Variants in TYR observed in about 807,000 individuals in gnomAD.
TYR encodes tyrosinase.
Under a neutral mutation model 51.5 loss-of-function variants are expected in TYR, and 58 were observed. The observed-to-expected ratio is 1.13, with a 90% CI of 0.91 to 1.40. The LOEUF (loss-of-function observed/expected upper bound fraction) is 1.40. TYR is among the 40% of genes most tolerant of loss of function. TYR has a pLI of 0.00. For missense variants in TYR, 732 were observed against 647.4 expected (o/e 1.13, Z -1.42); for synonymous variants, 263 against 235.2 (o/e 1.12, Z -1.08).
At chr11:89,229,589 A>T (rs558452790) in intron 3 of TYR, among the ~76,000 whole-genome samples, 2 of 152,140 alleles carry the variant, frequency 1.3e-5, no homozygotes, top group African/African-American at 4.8e-5. Context: ...AACTATCAAA[A>T]TATGAAAGGA....
chr11:89,245,347 T>C (rs1292533254), intron 3 of TYR, among the ~76,000 whole-genome samples: 5 of 151,986 alleles, frequency 3.3e-5, no homozygotes, highest in Non-Finnish European at 7.3e-5. Flanking sequence ...TACAGAAGAA[T>C]AGACTGAAAT....
intron 3 of TYR, among the ~76,000 whole-genome samples, chr11:89,250,912 G>A (rs1172660114): frequency 5.9e-5 from 9 of 151,980 alleles, no homozygotes; most frequent in South Asian, 2.1e-4. Flanking sequence ...CAGACTTGAC[G>A]TTGAAAATGT....
At chr11:89,277,592 C>T (rs1690128944) in intron 3 of TYR, among the ~76,000 whole-genome samples, 1 of 151,742 alleles carries the variant, frequency 6.6e-6, no homozygotes, top group South Asian at 2.1e-4. Flanking sequence ...ACTGAAATGT[C>T]TCAAAAACAT....
At chr11:89,203,580 G>C (rs748017560) in intron 2 of TYR, among the ~76,000 whole-genome samples, 2 of 152,088 alleles carry the variant, frequency 1.3e-5, no homozygotes, top group Non-Finnish European at 2.9e-5. Flanking sequence ...TCTGGACATG[G>C]CATATAAAAG....
chr11:89,266,510 TC>T (rs1565417916), intron 3 of TYR, among the ~76,000 whole-genome samples: 1 of 151,916 alleles, frequency 6.6e-6, no homozygotes, highest in Non-Finnish European at 1.5e-5. Context: ...GTCCCCTGCC[TC>T]TAATCCCTCC....
chr11:89,211,776 A>G (rs934786641), intron 2 of TYR, among the ~76,000 whole-genome samples: 2 of 152,224 alleles, frequency 1.3e-5, no homozygotes, highest in Non-Finnish European at 1.5e-5. Context: ...TCAAGTTAGA[A>G]CTCAGGATTA....
intron 3 of TYR, among the ~76,000 whole-genome samples, chr11:89,261,920 T>C (rs1006926284): frequency 7.9e-5 from 12 of 151,974 alleles, no homozygotes; most frequent in African/African-American, 2.4e-4. Flanking sequence ...TATGAATATA[T>C]GGGGAAATTA....
intron 3 of TYR, among the ~76,000 whole-genome samples, chr11:89,281,368 G>A (rs1944720178): frequency 6.6e-6 from 1 of 151,650 alleles, no homozygotes; most frequent in Non-Finnish European, 1.5e-5. Flanking sequence ...CCTCCTCCCT[G>A]TAACAGAGTA....
chr11:89,281,476 C>A (rs1254914643), intron 3 of TYR, among the ~76,000 whole-genome samples: 1 of 151,656 alleles, frequency 6.6e-6, no homozygotes, highest in Non-Finnish European at 1.5e-5. Flanking sequence ...ACAGCAGCAC[C>A]CAGGAATTTC....
At chr11:89,294,729 C>G (rs1944887819) in intron 4 of TYR, among the ~76,000 whole-genome samples, 1 of 152,188 alleles carries the variant, frequency 6.6e-6, no homozygotes, top group Non-Finnish European at 1.5e-5. Flanking sequence ...GCCAACATTA[C>G]TATTAATGTC....
chr11:89,202,461 G>A (rs1203565688), intron 2 of TYR, among the ~76,000 whole-genome samples: 3 of 151,974 alleles, frequency 2.0e-5, no homozygotes, highest in Admixed American at 6.6e-5. Context: ...TTTCCCAAAC[G>A]TGATCTAATT....
chr11:89,248,996 A>C (rs1944300414), intron 3 of TYR, among the ~76,000 whole-genome samples: 1 of 152,172 alleles, frequency 6.6e-6, no homozygotes, highest in Admixed American at 6.5e-5. Context: ...ATTAGAGAGA[A>C]GAGTGGAGAT....
At chr11:89,255,725 T>C (rs1205080997) in intron 3 of TYR, among the ~76,000 whole-genome samples, 2 of 151,742 alleles carry the variant, frequency 1.3e-5, no homozygotes, top group Admixed American at 6.6e-5. Flanking sequence ...CTTATCCTTT[T>C]GATATCTGTA....
At chr11:89,257,349 AT>A (rs372096202) in intron 3 of TYR, among the ~76,000 whole-genome samples, 1 of 151,972 alleles carries the variant, frequency 6.6e-6, no homozygotes, top group Non-Finnish European at 1.5e-5. Flanking sequence ...AACTTAAGGT[AT>A]TTTTTTCAAA....
At chr11:89,255,767 G>C (rs1944383498) in intron 3 of TYR, among the ~76,000 whole-genome samples, 1 of 151,498 alleles carries the variant, frequency 6.6e-6, no homozygotes, top group Non-Finnish European at 1.5e-5. Context: ...ATTTATTCTT[G>C]TTGGTGGTAA....
chr11:89,287,353 A>G (rs10501699), intron 4 of TYR, among the ~76,000 whole-genome samples: 2,543 of 151,982 alleles, frequency 0.017, 66 homozygotes, highest in African/African-American at 0.057. Flanking sequence ...TATATTTTAA[A>G]ACACTATAAG....
intron 2 of TYR, among the ~76,000 whole-genome samples, chr11:89,208,500 G>T (rs1943704335): frequency 6.6e-6 from 1 of 152,062 alleles, no homozygotes; most frequent in Admixed American, 6.5e-5. Flanking sequence ...TGTGAGAAAA[G>T]ACTTAGGGAG....
At chr11:89,227,224 A>G (rs1943987637) in intron 2 of TYR, among the ~76,000 whole-genome samples, 1 of 152,172 alleles carries the variant, frequency 6.6e-6, no homozygotes, top group Admixed American at 6.6e-5. Flanking sequence ...TCCCATTATT[A>G]CTGTTGCTGA....
At chr11:89,237,801 T>C (rs565769573) in intron 3 of TYR, among the ~76,000 whole-genome samples, 2 of 152,106 alleles carry the variant, frequency 1.3e-5, no homozygotes, top group Non-Finnish European at 2.9e-5. Context: ...AATAATATTC[T>C]TTCTTCCAAA....
Sources: allele counts gnomAD v4.1 joint callset (sites outside exome capture counted in the v4.1 genomes callset), GRCh38; gene constraint gnomAD v4.1.1; transcripts MANE v1.5; gene names NCBI Gene and HGNC (gene_info 2026-07-23, HGNC 2026-07-21).